PRKCB: variants seen among roughly 807,000 people sequenced by gnomAD.
PRKCB encodes protein kinase C beta.
A neutral mutation model predicts 81.5 loss-of-function variants in PRKCB; 13 were observed. The ratio of observed to expected loss-of-function variants is 0.16; its 90% confidence interval spans 0.10 to 0.25. PRKCB has a LOEUF of 0.25. PRKCB is among the 10% of genes least tolerant of loss of function. The probability of loss-of-function intolerance (pLI) is 1.00; values close to 1 mark genes in which losing one functional copy is unlikely to be tolerated. For synonymous variants in PRKCB, 335 were observed against 321.4 expected, an observed-to-expected ratio of 1.04 and a Z score of -0.45; for missense variants, 509 against 875.7, an observed-to-expected ratio of 0.58 and a Z score of 5.29.
At chr16:24,181,626 G>A (rs992171181) in intron 13 of PRKCB, among the ~76,000 whole-genome samples, 1 of 151,788 alleles carries the variant, frequency 6.6e-6, no homozygotes, top group African/African-American at 2.4e-5. Context: ...AATTAGCCGG[G>A]TGTGGTGGCA....
rs558485298 is a variant in PRKCB, at chr16:24,147,254, GC to G, written c.1066-7428del. 9.4e-5 allele frequency among the ~76,000 whole-genome samples: 14 copies of G among 148,444 alleles called. No individual in the cohort carries two copies. The South Asian group carries it at 3.0e-3, about 32-fold the overall frequency. On this transcript the variant is annotated intron_variant, in intron 9 of 16. Transcript: ENST00000643927. Reference sequence around the variant, plus strand: ...ACTCGGGAGGCGGAGCTTGCAGTGAGCCGAGATCGCACCACTGCACTCCAGC... The same window carrying G: ...ACTCGGGAGGCGGAGCTTGCAGTGAGCGAGATCGCACCACTGCACTCCAGC...
At chr16:23,933,400 G>T (rs1964005414) in intron 2 of PRKCB, among the ~76,000 whole-genome samples, 1 of 152,042 alleles carries the variant, frequency 6.6e-6, no homozygotes, top group African/African-American at 2.4e-5. Flanking sequence ...AGCCCCTTTT[G>T]GTTAAGTTGC....
At chr16:23,971,144 T>C (rs975430012) in intron 2 of PRKCB, among the ~76,000 whole-genome samples, 4 of 152,228 alleles carry the variant, frequency 2.6e-5, no homozygotes, top group African/African-American at 9.6e-5. Context: ...ACTACTGTTT[T>C]AGTATTATTT....
At chr16:23,932,084 A>G (rs1963986642) in intron 2 of PRKCB, among the ~76,000 whole-genome samples, 1 of 152,252 alleles carries the variant, frequency 6.6e-6, no homozygotes, top group Non-Finnish European at 1.5e-5. Context: ...AATATGTAGG[A>G]AATTCTACAT....
At chr16:24,206,182 T>C (rs1968042634) in intron 16 of PRKCB, among the ~76,000 whole-genome samples, 1 of 152,212 alleles carries the variant, frequency 6.6e-6, no homozygotes, top group African/African-American at 2.4e-5. Flanking sequence ...TCTCTTTTTT[T>C]CTGCCAAAAC....
intron 3 of PRKCB, among the ~76,000 whole-genome samples, chr16:24,026,386 A>G (rs1406749533): frequency 6.6e-6 from 1 of 152,218 alleles, no homozygotes; most frequent in Non-Finnish European, 1.5e-5. Context: ...CCTCTTGTTT[A>G]AGAGACTGTT....
chr16:24,140,728 C>A (rs1327233089), intron 9 of PRKCB, among the ~76,000 whole-genome samples: 4 of 152,158 alleles, frequency 2.6e-5, no homozygotes, highest in African/African-American at 4.8e-5. Context: ...GTGATGTTAT[C>A]TGTGGGAGTA....
In PRKCB at chr16:24,169,725, G is replaced by GT. The variant is rs1242460988; in HGVS notation, c.1240-2540dup. Among the ~76,000 whole-genome samples the GT allele has an allele frequency of 2.6e-5, 4 of 151,978 alleles. No homozygotes were observed. In the East Asian group the frequency reaches 5.8e-4, roughly 22 times the overall value. On this transcript the variant is annotated intron_variant, in intron 10 of 16. Coordinates refer to ENST00000643927, the MANE Select transcript of PRKCB (RefSeq NM_002738.7). ...CTCCCAATCCTCCATACTTTGCTCT[G>GT]TTTTTCCCCCGTGGCACTTTTTAAT... is the stretch of plus-strand genomic sequence containing the variant.
At chr16:24,166,690 GA>G (rs1191622932) in intron 10 of PRKCB, among the ~76,000 whole-genome samples, 1 of 152,178 alleles carries the variant, frequency 6.6e-6, no homozygotes, top group Non-Finnish European at 1.5e-5. Flanking sequence ...TGGCACTGTG[GA>G]TTATCCACAG....
Position 24,174,528 on chromosome 16 carries a change from G to A in PRKCB, c.1342G>A (p.Ala448Thr), listed in dbSNP as rs1365302575. The change falls in exon 12 of 17, where the codon GCA (alanine) becomes ACA (threonine). Residue 448 changes from alanine (A) to threonine (T), a missense_variant. Physicochemically the swap from Ala to Thr is moderately conservative, Grantham distance 58. This residue lies in a region of PRKCB where 106 missense variants were observed against 214.0 expected (regional missense o/e 0.50). Transcript: ENST00000643927. ...FKEPHAVFYA[A>T]EIAIGLFFLQ... ...TTTTTTTAATTTCAGATTTTACGCT[G>A]CAGAAATTGCCATCGGTCTGTTCTT... 1 of 1,608,172 alleles carries A rather than the reference G, an allele frequency of 6.2e-7. No individual in the cohort carries two copies. The highest frequency in any genetic ancestry group is 8.5e-7 in the Non-Finnish European group (1 of 1,177,680).
At chr16:24,152,132 C>T (rs986059420) in intron 9 of PRKCB, among the ~76,000 whole-genome samples, 15 of 152,036 alleles carry the variant, frequency 9.9e-5, no homozygotes, top group African/African-American at 1.4e-4. Flanking sequence ...AAGACATACC[C>T]GAGACTGTGT....
chr16:24,021,088 T>TTTC (rs1319448779), intron 3 of PRKCB, among the ~76,000 whole-genome samples: 6 of 130,610 alleles, frequency 4.6e-5, no homozygotes, highest in Admixed American at 7.5e-5. Context: ...TCTTTCTTTC[T>TTTC]TTTTTTCTTT....
At chr16:24,184,102 C>T (rs1033436316) in intron 13 of PRKCB, among the ~76,000 whole-genome samples, 3 of 152,096 alleles carry the variant, frequency 2.0e-5, no homozygotes, top group Admixed American at 6.5e-5. Flanking sequence ...ATCCATTCAA[C>T]GGAATGCTAT....
At chr16:24,117,111 CA>C (rs150911838) in intron 8 of PRKCB, among the ~76,000 whole-genome samples, 2,509 of 146,730 alleles carry the variant, frequency 0.017, 64 homozygotes, top group African/African-American at 0.065. Flanking sequence ...AAATTGTTCT[CA>C]GGCTCACAGA....
At chr16:23,977,054 T>G (rs1450580209) in intron 2 of PRKCB, among the ~76,000 whole-genome samples, 1 of 152,208 alleles carries the variant, frequency 6.6e-6, no homozygotes, top group African/African-American at 2.4e-5. Flanking sequence ...CTTTCTTTTG[T>G]TTTTCCTTTT....
intron 2 of PRKCB, among the ~76,000 whole-genome samples, chr16:23,958,230 G>T (rs1964376201): frequency 1.3e-5 from 2 of 152,130 alleles, no homozygotes; most frequent in African/African-American, 4.8e-5. Context: ...GATCTCAGGT[G>T]ATCTGCCCAC....
At chr16:23,912,839 T>TATTTATTTATTTATTTATTTA (rs59345283) in intron 2 of PRKCB, among the ~76,000 whole-genome samples, 1 of 149,480 alleles carries the variant, frequency 6.7e-6, no homozygotes, top group Non-Finnish European at 1.5e-5. Context: ...TTTATTTATT[T>TATTTATTTATTTATTTATTTA]TTTGATATGG....
intron 2 of PRKCB, among the ~76,000 whole-genome samples, chr16:23,878,359 GC>G (rs1963049971): frequency 6.6e-6 from 1 of 152,060 alleles, no homozygotes; most frequent in South Asian, 2.1e-4. Context: ...CTAACTCACT[GC>G]CAACAGCACT....
chr16:23,878,533 A>G (rs1176323970), intron 2 of PRKCB, among the ~76,000 whole-genome samples: 3 of 152,218 alleles, frequency 2.0e-5, no homozygotes, highest in Non-Finnish European at 4.4e-5. Flanking sequence ...TGCTGCTAAT[A>G]TACCACAGAG....
Sources: allele counts gnomAD v4.1 joint callset (sites outside exome capture counted in the v4.1 genomes callset), GRCh38; gene constraint gnomAD v4.1.1; regional missense constraint gnomAD v4.1.1; transcripts MANE v1.5; gene names NCBI Gene and HGNC (gene_info 2026-07-23, HGNC 2026-07-21).